TMEM37: variants seen among roughly 807,000 people sequenced by gnomAD.
TMEM37 encodes the protein transmembrane protein 37, also known as voltage-dependent calcium channel gamma-like subunit.
A neutral mutation model predicts 11.0 loss-of-function variants in TMEM37; 12 were observed. The ratio of observed to expected loss-of-function variants is 1.09; its 90% CI spans 0.70 to 1.76. TMEM37 has a LOEUF of 1.76. TMEM37 is among the 40% of genes most tolerant of loss of function. The probability of loss-of-function intolerance (pLI) is 0.00; values close to 1 mark genes in which losing one functional copy is unlikely to be tolerated. For synonymous variants in TMEM37, 127 were observed against 110.5 expected (o/e 1.15, Z -0.94); for missense variants, 203 against 251.2 (o/e 0.81, Z 1.30).
At chr2:119,435,323 G>A (rs1008583111) in intron 1 of TMEM37, among the ~76,000 whole-genome samples, 3 of 152,186 alleles carry the variant, frequency 2.0e-5, no homozygotes, top group Non-Finnish European at 2.9e-5. Flanking sequence ...ACACAGAGAG[G>A]AGTGGCCCAG....
rs1682507764 is a variant in TMEM37 at position 119,436,918 on chromosome 2, C to T, written c.51C>T (p.Pro17=). The change falls in exon 2 of 2, where the codon CCC becomes CCT. Residue 17 remains proline (P), a synonymous_variant. Transcript: ENST00000306406. ...AGAGGCCTTTGGGCCAAAGGCAGCC[C>T]CGCCGGTCCTTCTTTGAATCCTTCA... ...QAQRPLGQRQ[P]RRSFFESFIR... 2.5e-6 allele frequency: 4 copies of T among 1,614,110 alleles called. No individual in the cohort carries two copies. In the East Asian group the frequency reaches 8.9e-5, roughly 36 times the overall value.
At chr2:119,433,615 G>A (rs1299409062) in intron 1 of TMEM37, among the ~76,000 whole-genome samples, 1 of 152,162 alleles carries the variant, frequency 6.6e-6, no homozygotes, top group Non-Finnish European at 1.5e-5. Context: ...GTAGTGTCAA[G>A]TGACCCTATT....
chr2:119,431,107 T>G (rs1682384985), upstream of TMEM37, among the ~76,000 whole-genome samples: 1 of 151,386 alleles, frequency 6.6e-6, no homozygotes, highest in Non-Finnish European at 1.5e-5. Context: ...CGTGATCGCG[T>G]CATTGCACTC....
chr2:119,430,046 G>A, upstream of TMEM37: 4 of 1,368,146 alleles, frequency 2.9e-6, no homozygotes, highest in Non-Finnish European at 4.1e-6. Flanking sequence ...AGGGCTCAGT[G>A]AAAGGATACC....
chr2:119,432,578 TC>T (rs550813792), intron 1 of TMEM37, among the ~76,000 whole-genome samples: 245 of 152,168 alleles, frequency 1.6e-3, no homozygotes, highest in African/African-American at 5.5e-3. Context: ...TCCTACCCGC[TC>T]CCTCGGGCCT....
chr2:119,437,401 C>T lies in TMEM37; in HGVS notation c.534C>T (p.Ser178=), dbSNP rs777059377. The T allele has an allele frequency of 5.0e-6, 8 of 1,614,062 alleles. No individual in the cohort carries two copies. Among genetic ancestry groups the T allele is most frequent in the East Asian group, 2.2e-5 (1 of 44,896 alleles). ...ASFLLFLNAI[S]GLHINSITHP... ...TCCTCCTCTTCCTGAACGCCATCAG[C>T]GGCCTTCACATCAACAGCATCACCC... The change falls in exon 2 of 2, where the codon AGC becomes AGT. Residue 178 remains serine (S), a synonymous_variant. Coordinates refer to ENST00000306406, the MANE Select transcript of TMEM37 (RefSeq NM_183240.3).
Position 119,437,427 on chromosome 2 carries a change from A to G in TMEM37, c.560A>G (p.His187Arg). Reference protein sequence around the residue: ...ISGLHINSITHPWE With the variant: ...ISGLHINSITRPWE ...GGCCTTCACATCAACAGCATCACCCATCCCTGGGAATGACCGTGGAAATTT... is the reference window on the plus strand; with the variant it reads ...GGCCTTCACATCAACAGCATCACCCGTCCCTGGGAATGACCGTGGAAATTT... Residue 187 changes from histidine to arginine, a missense_variant, in exon 2 of 2, where the codon CAT (histidine) becomes CGT (arginine). By Grantham distance (29) the His-to-Arg change is conservative (BLOSUM62 0). Coordinates refer to ENST00000306406, the MANE Select transcript of TMEM37 (RefSeq NM_183240.3). 1 of 1,611,688 alleles carries G rather than the reference A, an allele frequency of 6.2e-7. No individual in the cohort carries two copies. Among genetic ancestry groups the G allele is most frequent in the Non-Finnish European group, 8.5e-7 (1 of 1,178,402 alleles).
At chr2:119,432,214 GA>G in intron 1 of TMEM37, 1 of 346,822 alleles carries the variant, frequency 2.9e-6, no homozygotes, top group Non-Finnish European at 5.2e-6. Flanking sequence ...CATTTGGAAA[GA>G]TTTTTCTTCT....
Position 119,437,577 on chromosome 2 carries a change from A to G in TMEM37, c.*137A>G. On this transcript the variant is annotated 3_prime_UTR_variant, in exon 2 of 2. Coordinates refer to ENST00000306406, the MANE Select transcript of TMEM37 (RefSeq NM_183240.3). The stretch of plus-strand genomic sequence containing the variant: ...TTGAAACGGCTGCCTGTTTGCCGAT[A>G]ACTTGTGGGTGGTCAGCCAGAAATG... 8.3e-7 allele frequency: 1 copy of G among 1,208,610 alleles called. No individual in the cohort carries two copies. Among genetic ancestry groups the G allele is most frequent in the Non-Finnish European group, 1.1e-6 (1 of 876,642 alleles). 74.9% of individuals were successfully genotyped at this position (1,208,610 alleles called of 1,614,324 possible).
intron 1 of TMEM37, 42 bp downstream of exon 1, chr2:119,431,966 C>T: frequency 8.4e-7 from 1 of 1,188,766 alleles, no homozygotes; most frequent in Non-Finnish European, 1.1e-6. Context: ...GGTGCTGCCC[C>T]GCCGTGGGAG....
At chr2:119,430,529 T>C (rs1351682393), upstream of TMEM37, 1 of 444,320 alleles carries the variant, frequency 2.3e-6, no homozygotes, top group Non-Finnish European at 4.7e-6. Flanking sequence ...CAAGGTCTGT[T>C]GGGCAGGGAT....
chr2:119,437,640 G>A lies in TMEM37; in HGVS notation c.*200G>A. On this transcript the variant is annotated 3_prime_UTR_variant, in exon 2 of 2. Transcript: ENST00000306406. Reference sequence around the variant, plus strand: ...CTGCACCTGGTCTGCAGGGCCAGAGGCCAGGAGGGTGCCTCAGTGCCACCA... The same window carrying A: ...CTGCACCTGGTCTGCAGGGCCAGAGACCAGGAGGGTGCCTCAGTGCCACCA... 1.5e-6 allele frequency: 1 copy of A among 661,136 alleles called. No individual in the cohort carries two copies. Among genetic ancestry groups the A allele is most frequent in the Non-Finnish European group, 2.5e-6 (1 of 395,784 alleles). 41.0% of individuals were successfully genotyped at this position (661,136 alleles called of 1,614,324 possible).
intron 1 of TMEM37, 30 bp downstream of exon 1, chr2:119,431,954 GGGGT>G: frequency 1.6e-6 from 2 of 1,216,620 alleles, no homozygotes; most frequent in Admixed American, 8.6e-5. Flanking sequence ...GCGCTGACCC[GGGGT>G]GCTGCCCCGC....
intron 1 of TMEM37, among the ~76,000 whole-genome samples, chr2:119,436,205 G>C (rs1682492311): frequency 6.6e-6 from 1 of 152,208 alleles, no homozygotes; most frequent in South Asian, 2.1e-4. Flanking sequence ...GTGGAGGAGA[G>C]CTGCAATGGC....
In TMEM37 at chr2:119,437,178, T is replaced by G; in HGVS notation, c.311T>G (p.Phe104Cys). 1.2e-6 allele frequency: 2 copies of G among 1,614,236 alleles called. No homozygotes were observed. Among genetic ancestry groups the G allele is most frequent in the South Asian group, 2.2e-5 (2 of 91,084 alleles). The change falls in exon 2 of 2, where the codon TTT becomes TGT. Residue 104 changes from phenylalanine to cysteine, a missense_variant. Coordinates refer to ENST00000306406, the MANE Select transcript of TMEM37 (RefSeq NM_183240.3). ...VGALAVVAAIFGLEFLMVSQL... is the reference protein window; with the variant it reads ...VGALAVVAAICGLEFLMVSQL... ...GCCTTGGCCGTGGTGGCCGCCATTT[T>G]TGGCCTGGAGTTCCTCATGGTGTCC...
chr2:119,430,226 C>A, upstream of TMEM37: 1 of 648,936 alleles, frequency 1.5e-6, no homozygotes. Flanking sequence ...GGCAGCTGCC[C>A]TTTGCCTTAG....
chr2:119,437,649 G>A lies in TMEM37; in HGVS notation c.*209G>A, dbSNP rs1489442023. ...GTCTGCAGGGCCAGAGGCCAGGAGG[G>A]TGCCTCAGTGCCACCAACTGCACAG... On this transcript the variant is annotated 3_prime_UTR_variant, in exon 2 of 2. Coordinates refer to ENST00000306406, the MANE Select transcript of TMEM37 (RefSeq NM_183240.3). The A allele has an allele frequency of 4.9e-6, 3 of 615,644 alleles. No individual in the cohort carries two copies. The highest frequency in any genetic ancestry group is 1.9e-5 in the African/African-American group (1 of 54,030). 38.1% of individuals were successfully genotyped at this position (615,644 alleles called of 1,614,324 possible). A position where few individuals can be genotyped will look rare whatever the true frequency, so the allele number is the denominator to read the frequency against.
Position 119,437,080 on chromosome 2 carries a change from C to T in TMEM37, c.213C>T (p.Ile71=). ...WHFCTTTNQT[I]CFRDLGQAHV... is the part of the protein sequence containing the mutation. ...TCTGCACCACCACCAACCAGACGATCTGCTTCAGAGACCTGGGCCAGGCCC... is the reference window on the plus strand; with the variant it reads ...TCTGCACCACCACCAACCAGACGATTTGCTTCAGAGACCTGGGCCAGGCCC... The change falls in exon 2 of 2, where the codon ATC becomes ATT. Residue 71 remains isoleucine, a synonymous_variant. Coordinates refer to ENST00000306406, the MANE Select transcript of TMEM37 (RefSeq NM_183240.3). 3.2e-6 allele frequency: 3 copies of T among 945,364 alleles called. No homozygotes were observed. The highest frequency in any genetic ancestry group is 4.6e-6 in the Non-Finnish European group (3 of 653,104). 58.6% of individuals were successfully genotyped at this position (945,364 alleles called of 1,614,324 possible).
At position 119,436,963 on chromosome 2, in the gene TMEM37, G is replaced by A. The variant is rs966571995; in HGVS notation, c.96G>A (p.Thr32=). 11 of 1,614,116 alleles carry A rather than the reference G, an allele frequency of 6.8e-6. No homozygotes were observed. The highest frequency in any genetic ancestry group is 2.2e-5 in the East Asian group (1 of 44,882). The stretch of plus-strand genomic sequence containing the variant: ...CCTTCATCCGGACCCTCATCATCAC[G>A]TGTGTGGCCCTGGCTGTGGTCCTGT... ...FESFIRTLII[T]CVALAVVLSS... Residue 32 remains threonine, a synonymous_variant, in exon 2 of 2, where the codon ACG becomes ACA. Coordinates refer to ENST00000306406, the MANE Select transcript of TMEM37 (RefSeq NM_183240.3).
Sources: gnomAD v4.1 joint callset for allele counts (sites outside exome capture counted in the v4.1 genomes callset) on GRCh38, gnomAD v4.1.1 for gene constraint, MANE v1.5 for transcripts, NCBI Gene and HGNC (gene_info 2026-07-23, HGNC 2026-07-21) for gene names.